RASGRF2: variants seen among roughly 807,000 people sequenced by gnomAD.
The protein encoded by RASGRF2 is Ras protein specific guanine nucleotide releasing factor 2, also known as ras-specific guanine nucleotide-releasing factor 2.
In RASGRF2, 76 loss-of-function variants were observed where a neutral mutation model predicts 151.0. That is an observed-to-expected ratio of 0.50 (90% CI 0.42 to 0.61). RASGRF2 has a LOEUF of 0.61. Ranked by LOEUF, RASGRF2 falls within the 20% of genes least tolerant of loss-of-function variation. The pLI is 0.00. For missense variants in RASGRF2, 1,148 were observed against 1,564.6 expected (o/e 0.73, Z 4.49); for synonymous variants, 504 against 566.5 (o/e 0.89, Z 1.57).
At chr5:81,174,531 G>T (rs184200102) in intron 17 of RASGRF2, among the ~76,000 whole-genome samples, 1 of 152,162 alleles carries the variant, frequency 6.6e-6, no homozygotes, top group Non-Finnish European at 1.5e-5. Flanking sequence ...AGCAAAGCAG[G>T]CACAGTGACA....
chr5:81,119,155 T>G (rs1409540164), intron 15 of RASGRF2, among the ~76,000 whole-genome samples: 1 of 152,192 alleles, frequency 6.6e-6, no homozygotes, highest in Non-Finnish European at 1.5e-5. Context: ...ATCTGTCCAT[T>G]ACCCAGTTCC....
rs1755529990 is a variant in RASGRF2, at chr5:81,207,321, C to T, written c.3043C>T (p.His1015Tyr). 1 of 1,614,134 alleles carries T rather than the reference C, an allele frequency of 6.2e-7. No homozygotes were observed. Among genetic ancestry groups the T allele is most frequent in the Non-Finnish European group, 8.5e-7 (1 of 1,180,004 alleles). Residue 1015 changes from histidine (H) to tyrosine (Y), a missense_variant, in exon 21 of 27, where the codon CAT becomes TAT. Transcript: ENST00000265080. The part of the protein sequence containing the change: ...ELAEQITLLD[H>Y]VIFRSIPYEE... ...GGCAGAACAGATCACCCTCCTGGAC[C>T]ATGTCATTTTCAGAAGCATTCCCTA...
intron 1 of RASGRF2, among the ~76,000 whole-genome samples, chr5:80,992,697 T>G (rs1748693869): frequency 6.6e-6 from 1 of 152,190 alleles, no homozygotes; most frequent in Admixed American, 6.5e-5. Context: ...TCAGTCTTTT[T>G]TGAAAGTTCA....
chr5:81,178,828 C>T (rs138792694), intron 17 of RASGRF2, among the ~76,000 whole-genome samples: 6,508 of 152,128 alleles, frequency 0.043, 187 homozygotes, highest in African/African-American at 0.07. Flanking sequence ...AAGCTCCGCC[C>T]CCCGGGTTCA....
At chr5:81,136,194 C>T (rs1234990579) in intron 17 of RASGRF2, among the ~76,000 whole-genome samples, 1 of 152,076 alleles carries the variant, frequency 6.6e-6, no homozygotes, top group Non-Finnish European at 1.5e-5. Flanking sequence ...ATAAGAAAAA[C>T]AAAAGATTTT....
At position 81,226,938 on chromosome 5, in the gene RASGRF2, TTA is replaced by T. The variant is rs1756013349; in HGVS notation, c.*1169_*1170del. The T allele has an allele frequency of 6.6e-6, 1 of 152,138 alleles. No individual in the cohort carries two copies. The highest frequency in any genetic ancestry group is 1.5e-5 in the Non-Finnish European group (1 of 68,016). 9.4% of individuals were successfully genotyped at this position (152,138 alleles called of 1,614,324 possible). ...TACATTACAAAACCAAATGCAAGGGTTAGTCCTGCTACCTGAGGCTGGGGAAG... is the reference window on the plus strand; with the variant it reads ...TACATTACAAAACCAAATGCAAGGGTGTCCTGCTACCTGAGGCTGGGGAAG... On this transcript the variant is annotated 3_prime_UTR_variant, in exon 27 of 27. Transcript: ENST00000265080.
At chr5:81,119,654 G>A (rs1753252059) in intron 15 of RASGRF2, among the ~76,000 whole-genome samples, 1 of 152,226 alleles carries the variant, frequency 6.6e-6, no homozygotes, top group African/African-American at 2.4e-5. Flanking sequence ...GGATCATGTG[G>A]ACACAGCCAG....
At chr5:81,055,292 A>T (rs980905574) in intron 2 of RASGRF2, among the ~76,000 whole-genome samples, 1 of 152,096 alleles carries the variant, frequency 6.6e-6, no homozygotes, top group African/African-American at 2.4e-5. Flanking sequence ...TTATTTTGAG[A>T]TACGTCCCAT....
intron 5 of RASGRF2, among the ~76,000 whole-genome samples, chr5:81,078,513 C>A (rs1277087896): frequency 1.3e-5 from 2 of 152,064 alleles, no homozygotes; most frequent in African/African-American, 4.8e-5. Flanking sequence ...CTTTCTGTAC[C>A]TGGCTTATTT....
At chr5:81,082,598 C>T (rs1752118340) in intron 7 of RASGRF2, among the ~76,000 whole-genome samples, 2 of 152,094 alleles carry the variant, frequency 1.3e-5, no homozygotes, top group African/African-American at 4.8e-5. Context: ...ATGTGGTGAT[C>T]CTAGAGTGAC....
intron 17 of RASGRF2, among the ~76,000 whole-genome samples, chr5:81,167,599 C>A (rs931913291): frequency 3.9e-5 from 6 of 152,166 alleles, no homozygotes; most frequent in Admixed American, 2.0e-4. Flanking sequence ...CTGTAAGTTC[C>A]AACGCAGGGC....
chr5:81,168,371 C>T (rs1580375309), intron 17 of RASGRF2, among the ~76,000 whole-genome samples: 3 of 133,692 alleles, frequency 2.2e-5, no homozygotes, highest in Admixed American at 8.8e-5. Context: ...AGTGCAGTGG[C>T]GTAACCTTGG....
intron 13 of RASGRF2, among the ~76,000 whole-genome samples, chr5:81,109,510 C>T (rs978542622): frequency 1.3e-5 from 2 of 152,122 alleles, no homozygotes; most frequent in Non-Finnish European, 2.9e-5. Context: ...ACTAAAAATA[C>T]AAAAAGTTAG....
chr5:81,221,063 G>A (rs1194956294), intron 26 of RASGRF2, among the ~76,000 whole-genome samples: 1 of 152,184 alleles, frequency 6.6e-6, no homozygotes, highest in Non-Finnish European at 1.5e-5. Flanking sequence ...GACCCCAGAG[G>A]TGAAGTGCCA....
rs544944647 is a variant in RASGRF2, at chr5:81,121,108, G to A, written c.2471-2534G>A. ...GAGTCTGAAAGTTGTGTGTGTGTGT[G>A]TGTGATGTCTGTAAGAGCCAAAAGT... is the stretch of plus-strand genomic sequence containing the variant. On this transcript the variant is annotated intron_variant, in intron 15 of 26. Transcript: ENST00000265080. 3.3e-5 allele frequency among the ~76,000 whole-genome samples: 5 copies of A among 152,278 alleles called. No individual in the cohort carries two copies. In the South Asian group the frequency reaches 8.3e-4, roughly 25 times the overall value.
At chr5:81,034,808 A>AG (rs3991139) in intron 1 of RASGRF2, among the ~76,000 whole-genome samples, 2 of 98,914 alleles carry the variant, frequency 2.0e-5, no homozygotes, top group East Asian at 6.2e-4. Context: ...GTGGGGTGGG[A>AG]GGGGGGTAGG....
chr5:81,198,188 G>C (rs942835853), intron 18 of RASGRF2, among the ~76,000 whole-genome samples: 1 of 151,842 alleles, frequency 6.6e-6, no homozygotes, highest in African/African-American at 2.4e-5. Flanking sequence ...GTGGCGCTGA[G>C]ATTTGGGCTT....
chr5:81,006,229 C>A (rs2112302841), intron 1 of RASGRF2, among the ~76,000 whole-genome samples: 1 of 152,230 alleles, frequency 6.6e-6, no homozygotes, highest in Non-Finnish European at 1.5e-5. Context: ...GTCGAATTTG[C>A]CCCTTTAGGT....
rs549972338 is a variant in RASGRF2 at position 80,994,162 on chromosome 5, G to A, written c.288+33136G>A. On this transcript the variant is annotated intron_variant, in intron 1 of 26. Coordinates refer to ENST00000265080, the MANE Select transcript of RASGRF2 (RefSeq NM_006909.3). ...GGGCGGATCACGAGGTCAGGAGATC[G>A]AGACCATCCTGGCTAACACGGTGAA... Among the ~76,000 whole-genome samples, 232 of 152,030 alleles carry A rather than the reference G, an allele frequency of 1.5e-3. 1 individual carries two copies. The highest frequency in any genetic ancestry group is 5.3e-3 in the African/African-American group (219 of 41,458).
Sources: gnomAD v4.1 joint callset for allele counts (sites outside exome capture counted in the v4.1 genomes callset) on GRCh38, gnomAD v4.1.1 for gene constraint, MANE v1.5 for transcripts, NCBI Gene and HGNC (gene_info 2026-07-23, HGNC 2026-07-21) for gene names.